FNDC4: variants seen among roughly 807,000 people sequenced by gnomAD.
The protein encoded by FNDC4 is fibronectin type III domain-containing protein 4.
A neutral mutation model predicts 25.1 loss-of-function variants in FNDC4; 11 were observed. The observed-to-expected ratio is 0.44, with a 90% CI of 0.28 to 0.73. The LOEUF is 0.73. Among genes scored for constraint, FNDC4 ranks in the 30% least tolerant of loss-of-function variants. The pLI, the probability that FNDC4 is intolerant of heterozygous loss-of-function variation, is 0.16. For synonymous variants in FNDC4, 136 were observed against 118.8 expected (o/e 1.14, Z -0.94); for missense variants, 250 against 304.3 (o/e 0.82, Z 1.33).
chr2:27,494,065 C>T lies in FNDC4; in HGVS notation c.319G>A (p.Gly107Ser), dbSNP rs1669321715. 1 of 1,614,192 alleles carries T rather than the reference C, an allele frequency of 6.2e-7. No individual in the cohort carries two copies. Among genetic ancestry groups the T allele is most frequent in the Non-Finnish European group, 8.5e-7 (1 of 1,180,032 alleles). ...NTTTRACALW[G>S]LAEDSDYTVQ... ...GTGTAGTCACTGTCTTCAGCCAGGC[C>T]CCAGAGGGCACAGGCCCGGGTGGTG... Residue 107 changes from glycine to serine, a missense_variant, in exon 4 of 7, where the codon GGC becomes AGC. By Grantham distance (56) the Gly-to-Ser change is moderately conservative. Transcript: ENST00000264703. The surrounding 1 kb of genome is among the most constrained non-coding windows in gnomAD (Gnocchi z 4.6).
rs200995008 is a variant in FNDC4, at chr2:27,494,651, G to C, written c.29C>G (p.Pro10Arg). The part of the protein sequence containing the change: MPSGCHSSP[P>R]SGLRGDMASL... ...AGCCATGTCCCCACGGAGTCCGCTG[G>C]GGGGGGAACTGTGGCATCCGCTTGG... Residue 10 changes from proline (P) to arginine (R), a missense_variant, in exon 2 of 7, where the codon CCC becomes CGC. Coordinates refer to ENST00000264703, the MANE Select transcript of FNDC4 (RefSeq NM_022823.3). This position sits in a 1 kb window ranked among gnomAD's most constrained non-coding sequence, Gnocchi z 4.6. 7 of 1,581,842 alleles carry C rather than the reference G, an allele frequency of 4.4e-6. No homozygotes were observed. In the Admixed American group the frequency reaches 7.8e-5, roughly 18 times the overall value.
chr2:27,494,515 G>C lies in FNDC4; in HGVS notation c.133+32C>G. 1.9e-6 allele frequency: 3 copies of C among 1,612,872 alleles called. No homozygotes were observed. Among genetic ancestry groups the C allele is most frequent in the South Asian group, 1.1e-5 (1 of 90,794 alleles). On this transcript the variant is annotated intron_variant, in intron 2 of 6. Coordinates refer to ENST00000264703, the MANE Select transcript of FNDC4 (RefSeq NM_022823.3). The surrounding 1 kb of genome is among the most constrained non-coding windows in gnomAD (Gnocchi z 4.6). The stretch of plus-strand genomic sequence containing the variant: ...AGGTTTCACCCATTGACTAGCTGTG[G>C]TTGACCCTCAGCCCCGTTCCCCTTT...
chr2:27,493,310 CA>C (rs1311426301), intron 5 of FNDC4, 78 bp downstream of exon 5: 5 of 1,179,250 alleles, frequency 4.2e-6, no homozygotes, highest in Non-Finnish European at 6.4e-6. Context: ...CTGTATCTCT[CA>C]CTTCTTTTTC....
Position 27,494,177 on chromosome 2 carries a change from G to T in FNDC4, c.250-43C>A. The T allele has an allele frequency of 6.3e-7, 1 of 1,577,496 alleles. No individual in the cohort carries two copies. Among genetic ancestry groups the T allele is most frequent in the Non-Finnish European group, 8.7e-7 (1 of 1,151,690 alleles). ...GAGAGGAGGACAGCCTCACCCCAGT[G>T]CCAGGCCACAAGGCTCAACCAGAGA... On this transcript the variant is annotated intron_variant, in intron 3 of 6. Transcript: ENST00000264703. The surrounding 1 kb of genome is among the most constrained non-coding windows in gnomAD (Gnocchi z 4.6).
Position 27,492,541 on chromosome 2 carries a change from C to T in FNDC4, c.670-63G>A. 6.3e-7 allele frequency: 1 copy of T among 1,589,914 alleles called. No individual in the cohort carries two copies. Among genetic ancestry groups the T allele is most frequent in the South Asian group, 1.1e-5 (1 of 90,554 alleles). ...GGTAATAGGTGCCACCCTTTCTCTC[C>T]AGCCTCCCCCATCCCAGATCTTCCA... On this transcript the variant is annotated intron_variant, in intron 6 of 6. Coordinates refer to ENST00000264703, the MANE Select transcript of FNDC4 (RefSeq NM_022823.3). The surrounding 1 kb of genome is among the most constrained non-coding windows in gnomAD (Gnocchi z 4.1).
At position 27,492,460 on chromosome 2, in the gene FNDC4, T is replaced by C; in HGVS notation, c.688A>G (p.Asn230Asp). The C allele has an allele frequency of 6.2e-7, 1 of 1,614,154 alleles. No individual in the cohort carries two copies. Among genetic ancestry groups the C allele is most frequent in the East Asian group, 2.2e-5 (1 of 44,886 alleles). Residue 230 changes from asparagine to aspartate, a missense_variant, in exon 7 of 7, where the codon AAC becomes GAC. Physicochemically the swap from Asn to Asp is conservative, Grantham distance 23. Transcript: ENST00000264703. The surrounding 1 kb of genome is among the most constrained non-coding windows in gnomAD (Gnocchi z 4.1). Reference sequence around the variant, plus strand: ...TTCTTCACTCAAACGTCGATGGTGTTGATAGATGGTGACTTTTTCTGTGAA... The same window carrying C: ...TTCTTCACTCAAACGTCGATGGTGTCGATAGATGGTGACTTTTTCTGTGAA... ...GTRQKKSPSI[N>D]TIDV is the part of the protein sequence containing the mutation.
At position 27,494,771 on chromosome 2, in the gene FNDC4, C is replaced by T. The variant is rs546172334; in HGVS notation, c.-24-68G>A. 4.4e-6 allele frequency: 3 copies of T among 675,894 alleles called. No individual in the cohort carries two copies. In the Admixed American group the frequency reaches 8.8e-5, roughly 20 times the overall value. 41.9% of individuals were successfully genotyped at this position (675,894 alleles called of 1,614,324 possible). Reference sequence around the variant, plus strand: ...ACGCACGGAGGTCGGGGGGCAGCAGCTCTCCTGGGCTCCCCACAGCTCACA... The same window carrying T: ...ACGCACGGAGGTCGGGGGGCAGCAGTTCTCCTGGGCTCCCCACAGCTCACA... On this transcript the variant is annotated intron_variant, in intron 1 of 6. Coordinates refer to ENST00000264703, the MANE Select transcript of FNDC4 (RefSeq NM_022823.3). This position sits in a 1 kb window ranked among gnomAD's most constrained non-coding sequence, Gnocchi z 4.6.
In FNDC4 at chr2:27,492,621, C is replaced by A. The variant is rs759189091; in HGVS notation, c.669+45G>T. 2 of 1,610,828 alleles carry A rather than the reference C, an allele frequency of 1.2e-6. No individual in the cohort carries two copies. Among genetic ancestry groups the A allele is most frequent in the Non-Finnish European group, 1.7e-6 (2 of 1,177,176 alleles). ...CTTCTTCCTTTCCCTGGCTGCCCCT[C>A]AGGGGCAGAATCACCCTTTCCGCCC... On this transcript the variant is annotated intron_variant, in intron 6 of 6. Transcript: ENST00000264703. The surrounding 1 kb of genome is among the most constrained non-coding windows in gnomAD (Gnocchi z 4.1).
In FNDC4 at chr2:27,494,201, G is replaced by C. The variant is rs1024210219; in HGVS notation, c.250-67C>G. 1.3e-6 allele frequency: 2 copies of C among 1,519,398 alleles called. No individual in the cohort carries two copies. The highest frequency in any genetic ancestry group is 1.8e-5 in the Admixed American group (1 of 55,116). 94.1% of individuals were successfully genotyped at this position (1,519,398 alleles called of 1,614,324 possible). ...TGCCAGGCCACAAGGCTCAACCAGAGACTCTTCAACATCCAAGCACTCCGG... is the reference window on the plus strand; with the variant it reads ...TGCCAGGCCACAAGGCTCAACCAGACACTCTTCAACATCCAAGCACTCCGG... On this transcript the variant is annotated intron_variant, in intron 3 of 6. Transcript: ENST00000264703. The surrounding 1 kb of genome is among the most constrained non-coding windows in gnomAD (Gnocchi z 4.6).
intron 5 of FNDC4, among the ~76,000 whole-genome samples, chr2:27,493,005 C>CTTTT (rs35996315): frequency 2.1e-3 from 222 of 107,136 alleles, no homozygotes; most frequent in Admixed American, 2.6e-3. Flanking sequence ...ATTTCTCTTA[C>CTTTT]TTTTTTTTTT....
intron 4 of FNDC4, among the ~76,000 whole-genome samples, 189 bp from the exon 5 acceptor site, chr2:27,493,667 T>C (rs1419454062): frequency 2.0e-5 from 3 of 152,212 alleles, no homozygotes; most frequent in Non-Finnish European, 4.4e-5. Context: ...GCGGGATGGC[T>C]GCAGGTTAAT....
chr2:27,492,311 G>C lies in FNDC4; in HGVS notation c.*132C>G, dbSNP rs541744051. 2.2e-5 allele frequency: 25 copies of C among 1,113,728 alleles called. No individual in the cohort carries two copies. In the East Asian group the frequency reaches 5.9e-4, roughly 26 times the overall value. 69.0% of individuals were successfully genotyped at this position (1,113,728 alleles called of 1,614,324 possible). A position where few individuals can be genotyped will look rare whatever the true frequency, so the allele number is the denominator to read the frequency against. On this transcript the variant is annotated 3_prime_UTR_variant, in exon 7 of 7. Transcript: ENST00000264703. This position sits in a 1 kb window ranked among gnomAD's most constrained non-coding sequence, Gnocchi z 4.1. The stretch of plus-strand genomic sequence containing the variant: ...TCTGCTCACAGTGGAAAGAGGATGG[G>C]TACCAGGCCTGAGATTGTGGGAGTG...
In FNDC4 at chr2:27,492,828, C is replaced by G. The variant is rs760530906; in HGVS notation, c.545-38G>C. 1.2e-6 allele frequency: 2 copies of G among 1,612,472 alleles called. No homozygotes were observed. Among genetic ancestry groups the G allele is most frequent in the Admixed American group, 1.7e-5 (1 of 59,998 alleles). ...ACAGTCTGAGCCTTCATCTCCACTT[C>G]CCCCCTCATAGGGAGATACCTACGT... On this transcript the variant is annotated intron_variant, in intron 5 of 6. Transcript: ENST00000264703. The surrounding 1 kb of genome is among the most constrained non-coding windows in gnomAD (Gnocchi z 4.1).
rs1435747207 is a variant in FNDC4 at position 27,493,969 on chromosome 2, T to G, written c.415A>C (p.Lys139Gln). 6.2e-7 allele frequency: 1 copy of G among 1,614,066 alleles called. No homozygotes were observed. Among genetic ancestry groups the G allele is most frequent in the Non-Finnish European group, 8.5e-7 (1 of 1,180,020 alleles). Residue 139 changes from lysine (K) to glutamine (Q), a missense_variant, in exon 4 of 7, where the codon AAG becomes CAG. Physicochemically the swap from Lys to Gln is moderately conservative, Grantham distance 53. Coordinates refer to ENST00000264703, the MANE Select transcript of FNDC4 (RefSeq NM_022823.3). Reference protein sequence around the residue: ...PGPRVHFRTLKGSDRLPSNSS... With the variant: ...PGPRVHFRTLQGSDRLPSNSS... ...TTTGAAGGTAGCCGGTCAGAACCCT[T>G]GAGAGTTCGGAAGTGCACCCGGGGC...
At chr2:27,493,648 G>C (rs767846669) in intron 4 of FNDC4, among the ~76,000 whole-genome samples, 170 bp from the exon 5 acceptor site, 1 of 152,144 alleles carries the variant, frequency 6.6e-6, no homozygotes, top group Non-Finnish European at 1.5e-5. Context: ...GGTGGTTAGC[G>C]ACCAAAAAGC....
At chr2:27,493,589 C>A in intron 4 of FNDC4, 111 bp from the exon 5 acceptor site, 1 of 953,058 alleles carries the variant, frequency 1.0e-6, no homozygotes, top group Non-Finnish European at 1.7e-6. Flanking sequence ...ATAATGTTGC[C>A]CTTGGAGTGT....
At chr2:27,493,312 CTTCT>C (rs1447400953) in intron 5 of FNDC4, 73 bp downstream of exon 5, 10 of 1,222,106 alleles carry the variant, frequency 8.2e-6, no homozygotes, top group Non-Finnish European at 1.2e-5. Context: ...GTATCTCTCA[CTTCT>C]TTTTCTCCTG....
In FNDC4 at chr2:27,493,473, T is replaced by C; in HGVS notation, c.460A>G (p.Ile154Val). 2 of 1,613,086 alleles carry C rather than the reference T, an allele frequency of 1.2e-6. No homozygotes were observed. Among genetic ancestry groups the C allele is most frequent in the Non-Finnish European group, 1.7e-6 (2 of 1,179,122 alleles). ...LPSNSSSPGD[I>V]TVEGLDGERP... is the part of the protein sequence containing the mutation. Reference sequence around the variant, plus strand: ...TCTCCATCCAGACCTTCCACTGTGATGTCACCTGAGAAGGGAGAAGGCAGA... The same window carrying C: ...TCTCCATCCAGACCTTCCACTGTGACGTCACCTGAGAAGGGAGAAGGCAGA... Residue 154 changes from isoleucine (I) to valine (V), a missense_variant, in exon 5 of 7, where the codon ATC (isoleucine) becomes GTC (valine). By Grantham distance (29) the Ile-to-Val change is conservative. Coordinates refer to ENST00000264703, the MANE Select transcript of FNDC4 (RefSeq NM_022823.3).
Position 27,492,689 on chromosome 2 carries a change from C to T in FNDC4, c.646G>A (p.Gly216Arg), listed in dbSNP as rs764737132. The T allele has an allele frequency of 1.2e-6, 2 of 1,614,134 alleles. No individual in the cohort carries two copies. The highest frequency in any genetic ancestry group is 2.2e-5 in the South Asian group (2 of 91,072). Residue 216 changes from glycine to arginine, a missense_variant, in exon 6 of 7, where the codon GGA (glycine) becomes AGA (arginine). Gly to Arg is a moderately radical substitution (Grantham distance 125, BLOSUM62 -2). Transcript: ENST00000264703. The surrounding 1 kb of genome is among the most constrained non-coding windows in gnomAD (Gnocchi z 4.1). ...ACCTGTCTTGTCCCCACTGGCCTTC[C>T]CTGAGGACTCTGTTCCGGCCCCTTT... ...KGKGPEQSPQ[G>R]RPVGTRQKKS...
Sources: gnomAD v4.1 joint callset for allele counts (sites outside exome capture counted in the v4.1 genomes callset) on GRCh38, gnomAD v4.1.1 for gene constraint, Gnocchi (gnomAD v3.1) non-coding constraint, MANE v1.5 for transcripts, NCBI Gene and HGNC (gene_info 2026-07-23, HGNC 2026-07-21) for gene names.